The following SLF2 variants were observed in gnomAD, a reference collection of about 807,000 sequenced individuals.
The protein encoded by SLF2 is SMC5-SMC6 complex localization factor protein 2.
Under a neutral mutation model 124.3 loss-of-function variants are expected in SLF2, and 68 were observed. The observed-to-expected ratio is 0.55, with a 90% CI of 0.45 to 0.67. The LOEUF (loss-of-function observed/expected upper bound fraction) is 0.67, where lower values mean the gene tolerates loss of function less well. Among genes scored for constraint, SLF2 ranks in the 30% least tolerant of loss-of-function variants. The probability of loss-of-function intolerance (pLI) is 0.00; values close to 1 mark genes in which losing one functional copy is unlikely to be tolerated. For missense variants in SLF2, 1,246 were observed against 1,373.7 expected (o/e 0.91, Z 1.47); for synonymous variants, 480 against 478.8 (o/e 1.00, Z -0.03).
chr10:100,923,691 C>T (rs1849559570), intron 4 of SLF2, among the ~76,000 whole-genome samples: 1 of 152,058 alleles, frequency 6.6e-6, no homozygotes, highest in Non-Finnish European at 1.5e-5. Context: ...TACAAATATG[C>T]AGTTGTTTGT....
chr10:100,948,415 G>A (rs1850146613), intron 15 of SLF2, among the ~76,000 whole-genome samples: 1 of 152,106 alleles, frequency 6.6e-6, no homozygotes, highest in African/African-American at 2.4e-5. Flanking sequence ...AGGATCCTTT[G>A]AATCCAGGAG....
At chr10:100,942,523 G>A (rs957671894) in intron 11 of SLF2, among the ~76,000 whole-genome samples, 4 of 151,962 alleles carry the variant, frequency 2.6e-5, no homozygotes, top group African/African-American at 9.7e-5. Context: ...CCTTAATAGA[G>A]AAGACAAGAG....
chr10:100,926,745 AAAAT>A (rs1210757649), intron 6 of SLF2: 1 of 152,184 alleles, frequency 6.6e-6, no homozygotes, highest in Non-Finnish European at 1.5e-5. Flanking sequence ...TCTCTACTAA[AAAAT>A]AAAAAAAAAA....
chr10:100,932,708 TGTGTGTGTGTGTGC>T (rs1441495291), intron 9 of SLF2, among the ~76,000 whole-genome samples: 289 of 84,924 alleles, frequency 3.4e-3, no homozygotes, highest in African/African-American at 9.2e-3. Context: ...TGTGTGTGTG[TGTGTGTGTGTGTGC>T]GCGCGCGCGC....
At position 100,961,866 on chromosome 10, in the gene SLF2, C is replaced by G. The variant is rs1291931497; in HGVS notation, c.3487-11C>G. The G allele has an allele frequency of 3.7e-6, 6 of 1,604,672 alleles. No individual in the cohort carries two copies. The South Asian group carries it at 6.7e-5, about 18-fold the overall frequency. On this transcript the variant is annotated splice_polypyrimidine_tract_variant and intron_variant, in intron 19 of 19. Coordinates refer to ENST00000238961, the MANE Select transcript of SLF2 (RefSeq NM_018121.4). ...TTGCTTTACCCTCTTTTTTCTCCTT[C>G]CCTTTTTTAGGGGCAGCTTCATGAC...
In SLF2 at chr10:100,950,676, G is replaced by A; in HGVS notation, c.3253G>A (p.Ala1085Thr). The change falls in exon 17 of 20, where the codon GCA becomes ACA. Residue 1085 changes from alanine to threonine, a missense_variant and splice_region_variant. Physicochemically the swap from Ala to Thr is moderately conservative, Grantham distance 58. Around this residue, in one of 3 missense-constraint regions of SLF2, gnomAD observed 535 missense variants for 632.8 expected, o/e 0.85. Coordinates refer to ENST00000238961, the MANE Select transcript of SLF2 (RefSeq NM_018121.4). ...TTAATTTTATTCATTTCTCTAACAG[G>A]CATATTACCTGACCTACATTCTTCT... ...DSLHLELEKQ[A>T]YYLTYILLHL... is the part of the protein sequence containing the mutation. 1.2e-6 allele frequency: 2 copies of A among 1,610,918 alleles called. No homozygotes were observed. The highest frequency in any genetic ancestry group is 1.7e-6 in the Non-Finnish European group (2 of 1,177,406).
At chr10:100,916,355 G>T (rs1849413627) in intron 2 of SLF2, among the ~76,000 whole-genome samples, 1 of 152,008 alleles carries the variant, frequency 6.6e-6, no homozygotes, top group South Asian at 2.1e-4. Flanking sequence ...TACCAAAAGA[G>T]AGCTTTATGA....
intron 1 of SLF2, chr10:100,913,950 C>G (rs10883560): frequency 0.41 from 360,148 of 879,038 alleles, 76,342 homozygotes; most frequent in Middle Eastern, 0.48. Flanking sequence ...ATTCATGTTA[C>G]TAATACTGTG....
At chr10:100,945,029 C>CA (rs1319540716) in intron 12 of SLF2, among the ~76,000 whole-genome samples, 4 of 144,776 alleles carry the variant, frequency 2.8e-5, no homozygotes, top group Non-Finnish European at 6.0e-5. Flanking sequence ...GACTCCGTCT[C>CA]AAAAAAAAGA....
chr10:100,950,669 C>T lies in SLF2; in HGVS notation c.3253-7C>T. On this transcript the variant is annotated splice_region_variant and splice_polypyrimidine_tract_variant and intron_variant, in intron 16 of 19. Coordinates refer to ENST00000238961, the MANE Select transcript of SLF2 (RefSeq NM_018121.4). ...ATAGGTGTTAATTTTATTCATTTCT[C>T]TAACAGGCATATTACCTGACCTACA... The T allele has an allele frequency of 6.2e-7, 1 of 1,608,724 alleles. No homozygotes were observed.
intron 1 of SLF2, among the ~76,000 whole-genome samples, chr10:100,915,466 T>C (rs1221546323): frequency 6.6e-6 from 1 of 152,224 alleles, no homozygotes; most frequent in Non-Finnish European, 1.5e-5. Context: ...TACCATCTAC[T>C]GTTCTACTCT....
At chr10:100,954,586 A>T (rs1289457239) in intron 17 of SLF2, among the ~76,000 whole-genome samples, 1 of 151,962 alleles carries the variant, frequency 6.6e-6, no homozygotes, top group Non-Finnish European at 1.5e-5. Context: ...AAAATTTAAG[A>T]TGCATAATTT....
rs145112046 is a variant in SLF2 at position 100,962,111 on chromosome 10, G to A, written c.*199G>A. ...GATATGAAATATGATCTGCTTAATT[G>A]TTAAGGCAACTGACCTTTCAAAAGT... On this transcript the variant is annotated 3_prime_UTR_variant, in exon 20 of 20. Coordinates refer to ENST00000238961, the MANE Select transcript of SLF2 (RefSeq NM_018121.4). 4.8e-4 allele frequency: 228 copies of A among 471,180 alleles called. No individual in the cohort carries two copies. The highest frequency in any genetic ancestry group is 5.0e-4 in the Middle Eastern group (1 of 1,994). 29.2% of individuals were successfully genotyped at this position (471,180 alleles called of 1,614,324 possible).
At chr10:100,914,312 G>GT (rs144752521) in intron 1 of SLF2, among the ~76,000 whole-genome samples, 33 of 53,862 alleles carry the variant, frequency 6.1e-4, no homozygotes, top group African/African-American at 9.9e-4. Context: ...GTGTGTGTGT[G>GT]TTTTTTTTTA....
chr10:100,928,854 G>T (rs1849669828), intron 6 of SLF2, among the ~76,000 whole-genome samples: 1 of 152,174 alleles, frequency 6.6e-6, no homozygotes, highest in Non-Finnish European at 1.5e-5. Context: ...TAGGTGTTGT[G>T]ATGATGATGA....
chr10:100,943,992 C>G, intron 11 of SLF2, 34 bp from the exon 12 acceptor site: 1 of 1,424,132 alleles, frequency 7.0e-7, no homozygotes, highest in South Asian at 1.3e-5. Flanking sequence ...TATTTTGTGC[C>G]TAACTTCACA....
At chr10:100,947,270 A>T (rs1242284226) in intron 14 of SLF2, 134 bp downstream of exon 14, 2 of 511,094 alleles carry the variant, frequency 3.9e-6, no homozygotes, top group African/African-American at 4.0e-5. Flanking sequence ...CAGTTGCGAG[A>T]AAAGGCATTG....
At chr10:100,913,370 C>A (rs1381280115) in intron 1 of SLF2, 120 bp downstream of exon 1, 2 of 1,365,938 alleles carry the variant, frequency 1.5e-6, no homozygotes, top group Admixed American at 3.6e-5. Context: ...GTTGGCATTT[C>A]GGGGCCTGGC....
chr10:100,956,621 T>G, intron 18 of SLF2, 84 bp downstream of exon 18: 1 of 1,009,434 alleles, frequency 9.9e-7, no homozygotes, highest in Non-Finnish European at 1.5e-6. Context: ...TACAGGCCTA[T>G]ATTCAGAAAA....
Sources: gnomAD v4.1 joint callset for allele counts (sites outside exome capture counted in the v4.1 genomes callset) on GRCh38, gnomAD v4.1.1 for gene constraint, gnomAD v4.1.1 regional missense constraint, MANE v1.5 for transcripts, NCBI Gene and HGNC (gene_info 2026-07-23, HGNC 2026-07-21) for gene names.